Variants in ERI1 observed in about 807,000 individuals in gnomAD.
ERI1 encodes exoribonuclease 1.
A neutral mutation model predicts 39.7 loss-of-function variants in ERI1; 39 were observed. The ratio of observed to expected loss-of-function variants is 0.98; its 90% CI spans 0.76 to 1.28. ERI1 has a LOEUF of 1.28. Ranked by LOEUF, ERI1 falls within the 50% of genes most tolerant of loss-of-function variation. The probability of loss-of-function intolerance (pLI) is 0.00; values close to 1 mark genes in which losing one functional copy is unlikely to be tolerated. For missense variants in ERI1, 581 were observed against 416.9 expected (o/e 1.39, Z -3.43); for synonymous variants, 204 against 149.6 (o/e 1.36, Z -2.65).
At chr8:9,086,131 G>A (rs974428333) in intron 3 of ERI1, among the ~76,000 whole-genome samples, 3 of 152,122 alleles carry the variant, frequency 2.0e-5, no homozygotes, top group Non-Finnish European at 4.4e-5. Context: ...CAGGGATAGC[G>A]GGCCAGGTGT....
chr8:9,095,491 GTTGTTTGTTTGT>G (rs79253861), intron 3 of ERI1, among the ~76,000 whole-genome samples: 7 of 149,652 alleles, frequency 4.7e-5, no homozygotes, highest in East Asian at 4.0e-4. Context: ...TTTTGTTGTT[GTTGTTTGTTTGT>G]TTGTTTGTTT....
chr8:9,084,809 C>A (rs984737676), intron 3 of ERI1, among the ~76,000 whole-genome samples: 2 of 151,974 alleles, frequency 1.3e-5, no homozygotes, highest in African/African-American at 2.4e-5. Flanking sequence ...TGGACTGATA[C>A]AAAAGCTGAT....
intron 1 of ERI1, chr8:9,004,245 C>T: frequency 8.2e-7 from 1 of 1,213,000 alleles, no homozygotes; most frequent in Middle Eastern, 2.3e-4. Context: ...TAAAGAACCA[C>T]TCTTCCACCT....
intron 6 of ERI1, among the ~76,000 whole-genome samples, chr8:9,024,938 G>C (rs1037456197): frequency 3.1e-4 from 38 of 122,994 alleles, no homozygotes; most frequent in African/African-American, 9.0e-4. Context: ...CTTCATGCAT[G>C]TTAAAAAAAA....
intron 3 of ERI1, among the ~76,000 whole-genome samples, chr8:9,090,481 G>GA (rs1327447338): frequency 2.6e-5 from 4 of 152,014 alleles, no homozygotes; most frequent in African/African-American, 9.7e-5. Flanking sequence ...TAAAATATTG[G>GA]AAAAAAATCT....
Position 9,016,371 on chromosome 8 carries a change from C to A in ERI1, c.548C>A (p.Ser183Tyr). Residue 183 changes from serine (S) to tyrosine (Y), a missense_variant, in exon 4 of 7, where the codon TCT becomes TAT. Transcript: ENST00000250263. ...YVRPEINTQL[S>Y]DFCISLTGIT... ...AGACCAGAGATTAACACACAGCTGT[C>A]TGATTTCTGCATCAGTCTAACTGGA... 6.2e-7 allele frequency: 1 copy of A among 1,607,814 alleles called. No homozygotes were observed. The highest frequency in any genetic ancestry group is 1.1e-5 in the South Asian group (1 of 90,226).
downstream of ERI1, among the ~76,000 whole-genome samples, chr8:9,037,382 C>A (rs148014025): frequency 0.011 from 1,723 of 152,294 alleles, 11 homozygotes; most frequent in Middle Eastern, 0.024. Context: ...TTTCAGCCTT[C>A]TTCCCAGACA....
chr8:9,072,417 C>A (rs554229150), intron 3 of ERI1: 2 of 152,114 alleles, frequency 1.3e-5, no homozygotes, highest in African/African-American at 4.8e-5. Context: ...ATTACCACAG[C>A]CAATTTTAGG....
intron 3 of ERI1, among the ~76,000 whole-genome samples, chr8:9,042,466 A>G (rs1227045531): frequency 6.6e-6 from 1 of 152,168 alleles, no homozygotes; most frequent in Admixed American, 6.5e-5. Context: ...TCCCGCCTCC[A>G]ACACACACAC....
At chr8:9,093,070 G>C (rs1799757881) in intron 3 of ERI1, among the ~76,000 whole-genome samples, 1 of 152,144 alleles carries the variant, frequency 6.6e-6, no homozygotes, top group Non-Finnish European at 1.5e-5. Flanking sequence ...AAGGACATCA[G>C]TCATATTAGA....
chr8:9,011,516 G>T lies in ERI1; in HGVS notation c.288-26G>T, dbSNP rs371837797. 3.7e-5 allele frequency: 56 copies of T among 1,494,864 alleles called. No homozygotes were observed. The African/African-American group carries it at 5.4e-4, about 15-fold the overall frequency. 92.6% of individuals were successfully genotyped at this position (1,494,864 alleles called of 1,614,324 possible). A position where few individuals can be genotyped will look rare whatever the true frequency, so the allele number is the denominator to read the frequency against. On this transcript the variant is annotated intron_variant, in intron 2 of 6. Transcript: ENST00000250263. Reference sequence around the variant, plus strand: ...TCTTGACTGTAGAATTTACCTAAGTGTAACTAGTCTTCTTCTTCTACTTAG... The same window carrying T: ...TCTTGACTGTAGAATTTACCTAAGTTTAACTAGTCTTCTTCTTCTACTTAG...
At position 9,022,655 on chromosome 8, in the gene ERI1, C is replaced by G. The variant is rs79393212; in HGVS notation, c.807+2191C>G. ...ACTCAAATGATCTGCCCGCCTCGGC[C>G]TCCCAAAGTGCTGGGATTATAGGCG... On this transcript the variant is annotated intron_variant, in intron 6 of 6. Transcript: ENST00000250263. Among the ~76,000 whole-genome samples, 1,484 of 152,306 alleles carry G rather than the reference C, an allele frequency of 9.7e-3. 22 individuals carry two copies. The highest frequency in any genetic ancestry group is 0.033 in the African/African-American group (1,389 of 41,544).
At chr8:9,007,863 T>G in intron 1 of ERI1, 107 bp from the exon 2 acceptor site, 1 of 1,452,296 alleles carries the variant, frequency 6.9e-7, no homozygotes, top group East Asian at 2.5e-5. Flanking sequence ...ACATGTAGCA[T>G]GAAGAGGCTT....
At chr8:9,040,523 G>C (rs1449269431) in intron 3 of ERI1, among the ~76,000 whole-genome samples, 1 of 151,852 alleles carries the variant, frequency 6.6e-6, no homozygotes, top group Non-Finnish European at 1.5e-5. Flanking sequence ...TTTGTTAGAG[G>C]GCTGTATGAA....
chr8:9,065,287 C>T (rs771902807), intron 3 of ERI1, among the ~76,000 whole-genome samples: 28 of 152,076 alleles, frequency 1.8e-4, no homozygotes, highest in Non-Finnish European at 2.2e-4. Context: ...CTTCTTTCTA[C>T]GAGGTTTCTT....
chr8:9,071,475 C>T (rs1799048938), intron 3 of ERI1, among the ~76,000 whole-genome samples: 1 of 152,154 alleles, frequency 6.6e-6, no homozygotes, highest in Non-Finnish European at 1.5e-5. Flanking sequence ...ATTTGGGGAA[C>T]ATCCAAGAAA....
intron 3 of ERI1, among the ~76,000 whole-genome samples, chr8:9,062,213 G>C (rs1196164031): frequency 6.6e-6 from 1 of 152,080 alleles, no homozygotes; most frequent in Non-Finnish European, 1.5e-5. Flanking sequence ...GGGTGATTAA[G>C]TTTTAATGAG....
At chr8:9,073,745 C>G (rs1397137859) in intron 3 of ERI1, among the ~76,000 whole-genome samples, 1 of 152,078 alleles carries the variant, frequency 6.6e-6, no homozygotes, top group Non-Finnish European at 1.5e-5. Context: ...CTTAAACAGG[C>G]TTAAACTATT....
intron 3 of ERI1, among the ~76,000 whole-genome samples, chr8:9,093,436 A>G (rs550494735): frequency 6.6e-6 from 1 of 151,446 alleles, no homozygotes; most frequent in South Asian, 2.1e-4. Context: ...AATTCAACCC[A>G]TTACAAATAT....
Sources: allele counts gnomAD v4.1 joint callset (sites outside exome capture counted in the v4.1 genomes callset), GRCh38; gene constraint gnomAD v4.1.1; transcripts MANE v1.5; gene names NCBI Gene and HGNC (gene_info 2026-07-23, HGNC 2026-07-21).